Variants in AKAP7 observed in about 807,000 individuals in gnomAD.
AKAP7 encodes the protein A kinase (PRKA) anchor protein 7.
Under a neutral mutation model 39.5 loss-of-function variants are expected in AKAP7, and 39 were observed. The observed-to-expected ratio is 0.99, with a 90% CI of 0.76 to 1.29. The LOEUF (loss-of-function observed/expected upper bound fraction) is 1.29. Among genes scored for constraint, AKAP7 ranks in the 50% most tolerant of loss-of-function variants. The pLI is 0.00. For missense variants in AKAP7, 414 were observed against 407.7 expected (o/e 1.02, Z -0.13); for synonymous variants, 140 against 139.1 (o/e 1.01, Z -0.05).
In AKAP7 at chr6:131,184,496, G is replaced by A. The variant is rs904528605; in HGVS notation, c.590-14965G>A. 7 of 679,156 alleles carry A rather than the reference G, an allele frequency of 1.0e-5. No individual in the cohort carries two copies. In the African/African-American group the frequency reaches 1.1e-4, roughly 10 times the overall value. The allele number at this position is 679,156 out of a possible 1,614,324, so 42.1% of individuals were successfully genotyped here. Reference sequence around the variant, plus strand: ...GCCCAGCTGGTCATCATCTTCAGAGGTGCCGCAGATATCGCAACATTTGTG... The same window carrying A: ...GCCCAGCTGGTCATCATCTTCAGAGATGCCGCAGATATCGCAACATTTGTG... On this transcript the variant is annotated intron_variant, in intron 5 of 7. Coordinates refer to ENST00000431975, the MANE Select transcript of AKAP7 (RefSeq NM_016377.4).
intron 7 of AKAP7, among the ~76,000 whole-genome samples, chr6:131,236,063 A>T (rs1026550050): frequency 8.3e-4 from 127 of 152,238 alleles, no homozygotes; most frequent in Non-Finnish European, 8.1e-4. Flanking sequence ...CTTTAATCCA[A>T]CTTGAATTAA....
chr6:131,270,075 A>G (rs1287636082), intron 7 of AKAP7, among the ~76,000 whole-genome samples: 4 of 152,184 alleles, frequency 2.6e-5, no homozygotes, highest in Admixed American at 6.5e-5. Context: ...ATTGTTCCCA[A>G]TATGGTTTGT....
chr6:131,249,230 G>A (rs1812255347), intron 7 of AKAP7, among the ~76,000 whole-genome samples: 1 of 152,130 alleles, frequency 6.6e-6, no homozygotes, highest in African/African-American at 2.4e-5. Context: ...AAAAACAACT[G>A]TGTTCCTTGA....
chr6:131,225,394 G>A (rs146319876), intron 7 of AKAP7, among the ~76,000 whole-genome samples: 23 of 152,276 alleles, frequency 1.5e-4, no homozygotes, highest in Admixed American at 1.1e-3. Flanking sequence ...ATCCTCATCC[G>A]TAAGGAGTTG....
In AKAP7 at chr6:131,283,074, G is replaced by C. The variant is rs1815324102; in HGVS notation, c.*1348G>C. The C allele has an allele frequency of 6.5e-6, 1 of 152,962 alleles. No homozygotes were observed. Among genetic ancestry groups the C allele is most frequent in the Non-Finnish European group, 1.5e-5 (1 of 68,316 alleles). The allele number at this position is 152,962 out of a possible 1,614,324, so 9.5% of individuals were successfully genotyped here. A position where few individuals can be genotyped will look rare whatever the true frequency, so the allele number is the denominator to read the frequency against. ...GAATGTTTATTGAACAATAGTACTT[G>C]AATGAACATTTATAAATGTAATTAT... On this transcript the variant is annotated 3_prime_UTR_variant, in exon 8 of 8. Transcript: ENST00000431975.
At chr6:131,153,892 T>A (rs1243520122) in intron 2 of AKAP7, among the ~76,000 whole-genome samples, 1 of 152,154 alleles carries the variant, frequency 6.6e-6, no homozygotes, top group African/African-American at 2.4e-5. Context: ...GACTTCTGTC[T>A]CATTCCATTC....
At chr6:131,206,334 G>A (rs1808095346) in intron 6 of AKAP7, among the ~76,000 whole-genome samples, 1 of 152,140 alleles carries the variant, frequency 6.6e-6, no homozygotes, top group Non-Finnish European at 1.5e-5. Flanking sequence ...GTCAGAAAAT[G>A]AGAGTACTTT....
chr6:131,143,830 A>G (rs1233628680), intron 1 of AKAP7, among the ~76,000 whole-genome samples: 3 of 144,596 alleles, frequency 2.1e-5, no homozygotes, highest in Admixed American at 7.1e-5. Context: ...GCAGGGTCAT[A>G]GGACAATAGT....
chr6:131,247,269 G>GTGTATATATATA (rs1244438178), intron 7 of AKAP7, among the ~76,000 whole-genome samples: 3 of 91,918 alleles, frequency 3.3e-5, no homozygotes, highest in African/African-American at 8.3e-5. Context: ...CATTTCATAT[G>GTGTATATATATA]TATATATATA....
chr6:131,154,525 A>G (rs1584960967), intron 2 of AKAP7, among the ~76,000 whole-genome samples: 1 of 146,952 alleles, frequency 6.8e-6, no homozygotes, highest in East Asian at 2.0e-4. Context: ...AGCATATATT[A>G]GAGAAAATAG....
chr6:131,209,119 T>C (rs566965284), intron 6 of AKAP7, among the ~76,000 whole-genome samples: 4 of 152,340 alleles, frequency 2.6e-5, no homozygotes, highest in Non-Finnish European at 4.4e-5. Flanking sequence ...TAGCCATTAG[T>C]ATTTGGTAGA....
intron 2 of AKAP7, among the ~76,000 whole-genome samples, chr6:131,152,087 C>T (rs1445794235): frequency 6.7e-6 from 1 of 149,658 alleles, no homozygotes; most frequent in Non-Finnish European, 1.5e-5. Flanking sequence ...CAGCCTTTGT[C>T]AGCAAGACCA....
At chr6:131,144,468 A>G (rs898835927) in intron 1 of AKAP7, among the ~76,000 whole-genome samples, 3 of 152,260 alleles carry the variant, frequency 2.0e-5, no homozygotes, top group Non-Finnish European at 4.4e-5. Flanking sequence ...TAAAAATTAT[A>G]TTAGTATTCC....
rs79846986 is a variant in AKAP7, at chr6:131,172,229, T to C, written c.589+2956T>C. ...TTAAAGTATTTTTTAAGAGGCACAATTTTTAATAACAAGAACAGTAGAGAC... is the reference window on the plus strand; with the variant it reads ...TTAAAGTATTTTTTAAGAGGCACAACTTTTAATAACAAGAACAGTAGAGAC... On this transcript the variant is annotated intron_variant, in intron 5 of 7. Coordinates refer to ENST00000431975, the MANE Select transcript of AKAP7 (RefSeq NM_016377.4). Among the ~76,000 whole-genome samples the C allele has an allele frequency of 5.1e-3, 773 of 152,300 alleles. 8 individuals are homozygous for C. The highest frequency in any genetic ancestry group is 0.018 in the African/African-American group (730 of 41,554).
At chr6:131,211,611 A>G (rs1264077910) in intron 6 of AKAP7, among the ~76,000 whole-genome samples, 3 of 151,796 alleles carry the variant, frequency 2.0e-5, no homozygotes, top group Non-Finnish European at 4.4e-5. Context: ...TAAAAAAAAA[A>G]AAATGCAAAA....
At chr6:131,212,747 T>C (rs1379253908) in intron 6 of AKAP7, among the ~76,000 whole-genome samples, 1 of 151,896 alleles carries the variant, frequency 6.6e-6, no homozygotes, top group East Asian at 1.9e-4. Flanking sequence ...TTGAGAATGA[T>C]GTTGGGGGTT....
At chr6:131,198,053 C>T (rs1267000206) in intron 5 of AKAP7, among the ~76,000 whole-genome samples, 3 of 152,136 alleles carry the variant, frequency 2.0e-5, no homozygotes, top group African/African-American at 7.2e-5. Context: ...GTGCTAGAAG[C>T]AAGGAGCCAG....
At chr6:131,166,341 A>G (rs1803489716) in intron 4 of AKAP7, among the ~76,000 whole-genome samples, 1 of 151,808 alleles carries the variant, frequency 6.6e-6, no homozygotes, top group Non-Finnish European at 1.5e-5. Flanking sequence ...GCAAAATGAA[A>G]GGTTGAGAGA....
At chr6:131,212,782 A>G (rs1808796163) in intron 6 of AKAP7, among the ~76,000 whole-genome samples, 1 of 152,182 alleles carries the variant, frequency 6.6e-6, no homozygotes, top group Non-Finnish European at 1.5e-5. Flanking sequence ...AAAAGTGAGA[A>G]GGAAGAATGT....
Sources: gnomAD v4.1 joint callset for allele counts (sites outside exome capture counted in the v4.1 genomes callset) on GRCh38, gnomAD v4.1.1 for gene constraint, MANE v1.5 for transcripts, NCBI Gene and HGNC (gene_info 2026-07-23, HGNC 2026-07-21) for gene names.